The following FAM228B variants were observed in gnomAD, a reference collection of about 807,000 sequenced individuals.
The protein encoded by FAM228B is protein FAM228B.
Under a neutral mutation model 42.6 loss-of-function variants are expected in FAM228B, and 38 were observed. The ratio of observed to expected loss-of-function variants is 0.89; its 90% confidence interval spans 0.69 to 1.17. The LOEUF is 1.17. FAM228B is among the 50% of genes most tolerant of loss of function. The pLI is 0.00. For missense variants in FAM228B, 344 were observed against 367.3 expected (o/e 0.94, Z 0.52); for synonymous variants, 109 against 122.3 (o/e 0.89, Z 0.72).
intron 3 of FAM228B, among the ~76,000 whole-genome samples, chr2:24,116,315 G>A (rs894005143): frequency 1.3e-5 from 2 of 152,034 alleles, no homozygotes; most frequent in Non-Finnish European, 2.9e-5. Context: ...GCGACAGAGC[G>A]AAATTCTGTC....
intron 7 of FAM228B, among the ~76,000 whole-genome samples, chr2:24,155,080 A>G (rs2151027452): frequency 6.6e-6 from 1 of 152,304 alleles, no homozygotes; most frequent in East Asian, 1.9e-4. Flanking sequence ...TCTATTTATA[A>G]TAGGTTTAAC....
At chr2:24,135,055 G>T in intron 2 of FAM228B, 64 bp from the exon 3 acceptor site, 1 of 1,015,708 alleles carries the variant, frequency 9.8e-7, no homozygotes, top group South Asian at 1.6e-5. Context: ...TAAATATAAT[G>T]ATTCCAGATA....
In FAM228B at chr2:24,077,541, G is replaced by A. The variant is rs935622545; in HGVS notation, c.-290+572G>A. The A allele has an allele frequency of 3.1e-6, 5 of 1,588,674 alleles. No individual in the cohort carries two copies. Among genetic ancestry groups the A allele is most frequent in the African/African-American group, 2.7e-5 (2 of 73,632 alleles). On this transcript the variant is annotated intron_variant, in intron 1 of 10. Coordinates refer to the FAM228B transcript ENST00000613899. The surrounding 1 kb of genome is among the most constrained non-coding windows in gnomAD (Gnocchi z 5.5). ...TCTTCTCCAGGTTTGCTCTGGAAAG[G>A]CCTGGGGTGGCCGCGTCCTGTCCTG...
intron 2 of FAM228B, among the ~76,000 whole-genome samples, chr2:24,127,427 C>T (rs1666342307): frequency 6.6e-6 from 1 of 152,082 alleles, no homozygotes; most frequent in Non-Finnish European, 1.5e-5. Flanking sequence ...TTTTAGGTAA[C>T]ATGATTGCAG....
At chr2:24,155,525 A>ATT (rs1199134206) in intron 7 of FAM228B, among the ~76,000 whole-genome samples, 21 of 48,308 alleles carry the variant, frequency 4.3e-4, no homozygotes, top group East Asian at 6.2e-4. Context: ...ATATATATAT[A>ATT]TATATATTTT....
In FAM228B at chr2:24,148,818, T is replaced by G. The variant is rs552243391; in HGVS notation, c.686+1732T>G. On this transcript the variant is annotated intron_variant, in intron 7 of 10. Coordinates refer to ENST00000615575, the MANE Select transcript of FAM228B (RefSeq NM_001145710.2). ...TGTGCTATCATATACGAGGTCTTAT[T>G]CATTCCTTCTATTTTTTTGTCCCCA... 7.6e-4 allele frequency among the ~76,000 whole-genome samples: 115 copies of G among 152,268 alleles called. 1 individual carries two copies. The highest frequency in any genetic ancestry group is 2.1e-3 in the Admixed American group (32 of 15,284).
intron 7 of FAM228B, 34 bp from the exon 8 acceptor site, chr2:24,161,472 A>G (rs1291709908): frequency 2.3e-6 from 3 of 1,297,428 alleles, no homozygotes; most frequent in Admixed American, 2.3e-5. Flanking sequence ...AAAAAGAACA[A>G]AAAAACCTTC....
At chr2:24,137,843 T>C in intron 3 of FAM228B, 66 bp from the exon 4 acceptor site, 1 of 1,196,034 alleles carries the variant, frequency 8.4e-7, no homozygotes, top group Non-Finnish European at 1.1e-6. Context: ...AGTTTAAGTT[T>C]TGGAAAATTT....
rs1664894452 is a variant in FAM228B, at chr2:24,079,334, A to G, written c.-289-1542A>G. The G allele has an allele frequency of 1.1e-5, 14 of 1,221,876 alleles. 1 individual carries two copies. In the South Asian group the frequency reaches 1.7e-4, roughly 15 times the overall value. The allele number at this position is 1,221,876 out of a possible 1,614,324, so 75.7% of individuals were successfully genotyped here. A position where few individuals can be genotyped will look rare whatever the true frequency, so the allele number is the denominator to read the frequency against. On this transcript the variant is annotated intron_variant, in intron 1 of 10. Coordinates refer to the FAM228B transcript ENST00000613899. Reference sequence around the variant, plus strand: ...TATCTTCAGAGGGGGAGGTTTCTTCATAGAAACTAACCTCCGTAATCTAAG... The same window carrying G: ...TATCTTCAGAGGGGGAGGTTTCTTCGTAGAAACTAACCTCCGTAATCTAAG...
intron 8 of FAM228B, among the ~76,000 whole-genome samples, chr2:24,162,969 T>C (rs1410779371): frequency 1.3e-5 from 2 of 151,996 alleles, no homozygotes; most frequent in Non-Finnish European, 2.9e-5. Flanking sequence ...TTAATGAAAA[T>C]GTTCTAAAAT....
In FAM228B at chr2:24,169,402, G is replaced by A. The variant is rs779520959; in HGVS notation, c.*61G>A. 2 of 463,032 alleles carry A rather than the reference G, an allele frequency of 4.3e-6. No individual in the cohort carries two copies. Among genetic ancestry groups the A allele is most frequent in the South Asian group, 3.1e-5 (2 of 63,848 alleles). 28.7% of individuals were successfully genotyped at this position (463,032 alleles called of 1,614,324 possible). A position where few individuals can be genotyped will look rare whatever the true frequency, so the allele number is the denominator to read the frequency against. On this transcript the variant is annotated 3_prime_UTR_variant, in exon 11 of 11. Transcript: ENST00000615575. The surrounding 1 kb of genome is among the most constrained non-coding windows in gnomAD (Gnocchi z 4.2). ...ACACCCTGATCCTTGATTGGTGAAAGGATACACAAAATCAGGCTGCTTCAG... is the reference window on the plus strand; with the variant it reads ...ACACCCTGATCCTTGATTGGTGAAAAGATACACAAAATCAGGCTGCTTCAG...
At chr2:24,154,041 A>G (rs1440002667) in intron 7 of FAM228B, among the ~76,000 whole-genome samples, 1 of 152,190 alleles carries the variant, frequency 6.6e-6, no homozygotes, top group East Asian at 1.9e-4. Flanking sequence ...CAAATGTACA[A>G]ACTCTCTCTC....
chr2:24,137,655 G>T (rs1666621886), intron 3 of FAM228B, among the ~76,000 whole-genome samples: 1 of 152,166 alleles, frequency 6.6e-6, no homozygotes, highest in African/African-American at 2.4e-5. Context: ...ACCTTGCCTT[G>T]CTTTTGATTT....
At chr2:24,083,401 G>C (rs914864529) in intron 2 of FAM228B, among the ~76,000 whole-genome samples, 1 of 152,142 alleles carries the variant, frequency 6.6e-6, no homozygotes, top group African/African-American at 2.4e-5. Flanking sequence ...TGAACCCCTT[G>C]CTTTACAGAT....
intron 7 of FAM228B, among the ~76,000 whole-genome samples, chr2:24,150,686 A>G (rs962689872): frequency 6.6e-6 from 1 of 152,044 alleles, no homozygotes; most frequent in African/African-American, 2.4e-5. Context: ...CAGCCTCCCA[A>G]AATCCTCGGA....
chr2:24,159,947 A>G (rs1249446384), intron 7 of FAM228B, among the ~76,000 whole-genome samples: 2 of 148,666 alleles, frequency 1.3e-5, no homozygotes, highest in Non-Finnish European at 3.0e-5. Flanking sequence ...GGTGTCCTGC[A>G]TTCTCACTGC....
chr2:24,083,678 G>A (rs886720056), intron 2 of FAM228B, among the ~76,000 whole-genome samples: 6 of 152,134 alleles, frequency 3.9e-5, no homozygotes, highest in African/African-American at 1.4e-4. Context: ...AGCTGGCCCA[G>A]GTCAGTAAAT....
At position 24,124,320 on chromosome 2, in the gene FAM228B, T is replaced by C. The variant is rs1467702143; in HGVS notation, c.-32-10T>C. On this transcript the variant is annotated splice_polypyrimidine_tract_variant and intron_variant, in intron 1 of 10. Coordinates refer to ENST00000615575, the MANE Select transcript of FAM228B (RefSeq NM_001145710.2). Reference sequence around the variant, plus strand: ...GTGAAATGTTCAATACTAAATAAGATGATTTTTAGTTTTTCCAGGGGCATT... The same window carrying C: ...GTGAAATGTTCAATACTAAATAAGACGATTTTTAGTTTTTCCAGGGGCATT... 1.5e-6 allele frequency: 2 copies of C among 1,302,360 alleles called. No homozygotes were observed. The highest frequency in any genetic ancestry group is 2.2e-5 in the Admixed American group (1 of 44,842). 80.7% of individuals were successfully genotyped at this position (1,302,360 alleles called of 1,614,324 possible).
At chr2:24,103,095 A>AT (rs1477375354) in intron 3 of FAM228B, among the ~76,000 whole-genome samples, 6 of 152,168 alleles carry the variant, frequency 3.9e-5, no homozygotes, top group African/African-American at 1.4e-4. Flanking sequence ...CATATGATGC[A>AT]TTTTTGAACA....
Sources: allele counts gnomAD v4.1 joint callset (sites outside exome capture counted in the v4.1 genomes callset), GRCh38; gene constraint gnomAD v4.1.1; non-coding constraint Gnocchi (gnomAD v3.1); transcripts MANE v1.5; gene names NCBI Gene and HGNC (gene_info 2026-07-23, HGNC 2026-07-21).